Variants in RSAD2 observed in about 807,000 individuals in gnomAD.
The protein encoded by RSAD2 is radical S-adenosyl methionine domain containing 2, also known as S-adenosylmethionine-dependent nucleotide dehydratase RSAD2.
RSAD2 carries 38 observed loss-of-function variants against 37.7 expected under a neutral mutation model. The observed-to-expected ratio is 1.01, with a 90% confidence interval of 0.78 to 1.32. The LOEUF (loss-of-function observed/expected upper bound fraction) is 1.32. Among genes scored for constraint, RSAD2 ranks in the 40% most tolerant of loss-of-function variants. The probability of loss-of-function intolerance (pLI) is 0.00; values close to 1 mark genes in which losing one functional copy is unlikely to be tolerated. For missense variants in RSAD2, 428 were observed against 437.5 expected, an observed-to-expected ratio of 0.98 and a Z score of 0.19; for synonymous variants, 163 against 157.4, an observed-to-expected ratio of 1.04 and a Z score of -0.27.
At chr2:6,868,093 TTAAA>T (rs1378792517) in intron 1 of RSAD2, among the ~76,000 whole-genome samples, 1 of 152,086 alleles carries the variant, frequency 6.6e-6, no homozygotes, top group African/African-American at 2.4e-5. Context: ...AGAGGTGTCT[TTAAA>T]TGAATGAACA....
At chr2:6,893,408 T>C (rs749429187) in intron 4 of RSAD2, among the ~76,000 whole-genome samples, 22 of 152,216 alleles carry the variant, frequency 1.4e-4, no homozygotes, top group Non-Finnish European at 2.8e-4. Flanking sequence ...TGGGGTTCAA[T>C]GTCAGGGAAG....
Position 6,890,285 on chromosome 2 carries a change from A to G in RSAD2, c.848A>G (p.His283Arg), listed in dbSNP as rs758953099. 5.0e-6 allele frequency: 8 copies of G among 1,614,254 alleles called. No homozygotes were observed. The highest frequency in any genetic ancestry group is 6.8e-6 in the Non-Finnish European group (8 of 1,180,040). ...DEEFERFLER[H>R]KEVSCLVPES... is the part of the protein sequence containing the mutation. ...GAATTTGAAAGATTCTTGGAGCGCC[A>G]CAAAGAAGTGTCCTGCTTGGTGCCT... Residue 283 changes from histidine to arginine, a missense_variant, in exon 4 of 6, where the codon CAC becomes CGC. Transcript: ENST00000382040.
rs6431839 is a variant in RSAD2 at position 6,896,936 on chromosome 2, G to T, written c.*994G>T. 0.67 allele frequency: 101,458 copies of T among 151,416 alleles called. 34,210 individuals are homozygous for T. The highest frequency in any genetic ancestry group is 0.78 in the East Asian group (3,976 of 5,110). 9.4% of individuals were successfully genotyped at this position (151,416 alleles called of 1,614,324 possible). A position where few individuals can be genotyped will look rare whatever the true frequency, so the allele number is the denominator to read the frequency against. ...GGCCCTACATCTCTGAGAAGTGACG[G>T]CACACTGGGTTGGCATAAGATATCC... On this transcript the variant is annotated 3_prime_UTR_variant, in exon 6 of 6. Transcript: ENST00000382040.
chr2:6,879,853 G>A lies in RSAD2; in HGVS notation c.346+1707G>A, dbSNP rs16865702. Among the ~76,000 whole-genome samples the A allele has an allele frequency of 3.3e-3, 509 of 152,150 alleles. 6 individuals carry two copies. The East Asian group carries it at 0.037, about 11-fold the overall frequency. On this transcript the variant is annotated intron_variant, in intron 1 of 5. Coordinates refer to ENST00000382040, the MANE Select transcript of RSAD2 (RefSeq NM_080657.5). Reference sequence around the variant, plus strand: ...AAGGAGATATGTCGAGGGAAATTACGACTTTCATTCAGAAAGCCAGGGTTT... The same window carrying A: ...AAGGAGATATGTCGAGGGAAATTACAACTTTCATTCAGAAAGCCAGGGTTT...
chr2:6,889,070 T>C, intron 3 of RSAD2, among the ~76,000 whole-genome samples: 1 of 152,228 alleles, frequency 6.6e-6, no homozygotes, highest in East Asian at 1.9e-4. Flanking sequence ...TACGGCTTGC[T>C]TTTCTCCTGC....
chr2:6,891,111 A>T (rs7582107), intron 4 of RSAD2, among the ~76,000 whole-genome samples: 6,081 of 152,246 alleles, frequency 0.04, 159 homozygotes, highest in South Asian at 0.099. Flanking sequence ...ATAAAGTATT[A>T]TATATAAAGT....
chr2:6,887,857 T>C (rs1396518929), intron 3 of RSAD2, among the ~76,000 whole-genome samples: 1 of 152,212 alleles, frequency 6.6e-6, no homozygotes, highest in Non-Finnish European at 1.5e-5. Context: ...CACAAACGTG[T>C]ATTTCTAACA....
intron 1 of RSAD2, among the ~76,000 whole-genome samples, chr2:6,866,993 A>T (rs1405083868): frequency 6.6e-6 from 1 of 152,226 alleles, no homozygotes; most frequent in Non-Finnish European, 1.5e-5. Context: ...TGAGAATAGA[A>T]TAGTTTTTAT....
chr2:6,876,559 G>A (rs1663285320), upstream of RSAD2, among the ~76,000 whole-genome samples: 1 of 152,212 alleles, frequency 6.6e-6, no homozygotes, highest in Non-Finnish European at 1.5e-5. Flanking sequence ...TGGCATGAGA[G>A]TTTAAGAAAC....
intron 5 of RSAD2, among the ~76,000 whole-genome samples, chr2:6,894,642 G>C (rs1252920568): frequency 2.0e-5 from 3 of 152,116 alleles, no homozygotes; most frequent in East Asian, 1.9e-4. Context: ...AGATTTTTAT[G>C]TATTTTTTGT....
exon 1 of RSAD2, chr2:6,865,901 G>A (rs1027224853): frequency 4.0e-5 from 56 of 1,412,410 alleles, no homozygotes; most frequent in Non-Finnish European, 4.9e-5. Flanking sequence ...TCCTCGCCGC[G>A]AGATGTGCGC....
At chr2:6,867,648 CCA>C (rs1663127651) in intron 1 of RSAD2, among the ~76,000 whole-genome samples, 1 of 152,142 alleles carries the variant, frequency 6.6e-6, no homozygotes, top group Non-Finnish European at 1.5e-5. Flanking sequence ...CCTTGACACT[CCA>C]CAGTCACGTG....
At chr2:6,867,888 A>G (rs1245765096) in intron 1 of RSAD2, among the ~76,000 whole-genome samples, 1 of 152,252 alleles carries the variant, frequency 6.6e-6, no homozygotes, top group Non-Finnish European at 1.5e-5. Flanking sequence ...TCAATATTAT[A>G]TAAGTGTTGA....
intron 1 of RSAD2, among the ~76,000 whole-genome samples, chr2:6,868,444 C>A (rs1663145080): frequency 6.6e-6 from 1 of 152,164 alleles, no homozygotes; most frequent in African/African-American, 2.4e-5. Flanking sequence ...ATTCCACATT[C>A]ATAAAAGTGA....
chr2:6,892,784 G>A (rs559536459), intron 4 of RSAD2, among the ~76,000 whole-genome samples: 68 of 152,342 alleles, frequency 4.5e-4, no homozygotes, highest in Non-Finnish European at 7.6e-4. Context: ...TAGCAGGTCT[G>A]CTCCCATCCC....
upstream of RSAD2, among the ~76,000 whole-genome samples, chr2:6,875,071 G>A (rs997613130): frequency 6.6e-6 from 1 of 152,126 alleles, no homozygotes; most frequent in African/African-American, 2.4e-5. Flanking sequence ...CCTTGATTTG[G>A]CTTCCTAGCC....
intron 5 of RSAD2, 62 bp downstream of exon 5, chr2:6,893,765 A>G: frequency 8.4e-7 from 1 of 1,195,528 alleles, no homozygotes; most frequent in Non-Finnish European, 1.2e-6. Flanking sequence ...GTAATGGCAG[A>G]GTTGAGTTCC....
At chr2:6,886,648 A>T (rs1172720862) in intron 2 of RSAD2, among the ~76,000 whole-genome samples, 1 of 152,274 alleles carries the variant, frequency 6.6e-6, no homozygotes, top group East Asian at 1.9e-4. Flanking sequence ...ATGCAGGAAT[A>T]AATGAAAAAC....
intron 1 of RSAD2, chr2:6,878,647 A>G (rs1663337144): frequency 1.1e-5 from 2 of 184,484 alleles, no homozygotes; most frequent in South Asian, 2.4e-4. Context: ...GGAAACCTTA[A>G]AATTTTTTTA....
Sources: gnomAD v4.1 joint callset for allele counts (sites outside exome capture counted in the v4.1 genomes callset) on GRCh38, gnomAD v4.1.1 for gene constraint, MANE v1.5 for transcripts, NCBI Gene and HGNC (gene_info 2026-07-23, HGNC 2026-07-21) for gene names.